Variants in NKAIN2 observed in about 807,000 individuals in gnomAD.
NKAIN2 encodes the protein sodium/potassium transporting ATPase interacting 2, also known as sodium/potassium-transporting ATPase subunit beta-1-interacting protein 2.
Under a neutral mutation model 32.6 loss-of-function variants are expected in NKAIN2, and 14 were observed. The observed-to-expected ratio is 0.43, with a 90% CI of 0.28 to 0.67. NKAIN2 has a LOEUF of 0.67. Among genes scored for constraint, NKAIN2 ranks in the 30% least tolerant of loss-of-function variants. NKAIN2 has a pLI of 0.17. For missense variants in NKAIN2, 198 were observed against 258.3 expected, an observed-to-expected ratio of 0.77 and a Z score of 1.60; for synonymous variants, 80 against 87.2, an observed-to-expected ratio of 0.92 and a Z score of 0.46.
At chr6:124,726,409 T>A (rs371684327) in intron 4 of NKAIN2, among the ~76,000 whole-genome samples, 1 of 151,788 alleles carries the variant, frequency 6.6e-6, no homozygotes, top group African/African-American at 2.4e-5. Context: ...CCATGACCCC[T>A]GAGCAGCCTA....
chr6:124,349,054 C>T (rs368713592), intron 2 of NKAIN2, among the ~76,000 whole-genome samples: 11 of 152,156 alleles, frequency 7.2e-5, no homozygotes, highest in South Asian at 2.1e-4. Context: ...GTGATTCTAA[C>T]GTAGTTTATT....
At chr6:124,670,643 TTCTGTGTGTGTGTG>T in intron 4 of NKAIN2, among the ~76,000 whole-genome samples, 1 of 102,268 alleles carries the variant, frequency 9.8e-6, no homozygotes, top group East Asian at 2.5e-4. Context: ...AATCTTTGCT[TTCTGTGTGTGTGTG>T]TGTGTGTGTG....
chr6:124,811,679 A>C (rs1780909861), intron 5 of NKAIN2, among the ~76,000 whole-genome samples: 1 of 152,170 alleles, frequency 6.6e-6, no homozygotes, highest in Non-Finnish European at 1.5e-5. Context: ...CACTGCAGAT[A>C]AGAAAATGAA....
chr6:123,889,424 G>A (rs948116792), intron 1 of NKAIN2, among the ~76,000 whole-genome samples: 35 of 152,154 alleles, frequency 2.3e-4, no homozygotes, highest in African/African-American at 7.5e-4. Flanking sequence ...TGCTCTGCCC[G>A]AACTTAGGTT....
intron 1 of NKAIN2, among the ~76,000 whole-genome samples, chr6:124,280,013 A>G (rs1024182430): frequency 1.3e-5 from 2 of 152,192 alleles, no homozygotes; most frequent in Non-Finnish European, 2.9e-5. Context: ...GCCAAACACA[A>G]GGAACCAAAA....
intron 3 of NKAIN2, among the ~76,000 whole-genome samples, chr6:124,644,772 T>C (rs1372033941): frequency 1.3e-5 from 2 of 152,210 alleles, no homozygotes; most frequent in African/African-American, 4.8e-5. Flanking sequence ...GTCATAATTT[T>C]GAGCTGAAAA....
chr6:124,463,247 G>T (rs1188700308), intron 3 of NKAIN2, among the ~76,000 whole-genome samples: 1 of 151,956 alleles, frequency 6.6e-6, no homozygotes, highest in Admixed American at 6.6e-5. Flanking sequence ...ATAGCCCAAT[G>T]AAATATAATA....
intron 3 of NKAIN2, among the ~76,000 whole-genome samples, chr6:124,654,943 CT>C (rs1784488170): frequency 6.6e-6 from 1 of 152,038 alleles, no homozygotes; most frequent in Admixed American, 6.6e-5. Context: ...TTAAGCCACC[CT>C]ATTTGTGGTA....
At chr6:124,378,569 CA>C in intron 3 of NKAIN2, among the ~76,000 whole-genome samples, 1 of 152,236 alleles carries the variant, frequency 6.6e-6, no homozygotes, top group South Asian at 2.1e-4. Context: ...TTAAGAATTA[CA>C]AGTGAGAAAG....
intron 1 of NKAIN2, among the ~76,000 whole-genome samples, chr6:123,842,716 T>C (rs1450403656): frequency 6.6e-6 from 1 of 152,072 alleles, no homozygotes; most frequent in Non-Finnish European, 1.5e-5. Context: ...GAGGATTAGC[T>C]CTGCCCAATG....
intron 3 of NKAIN2, among the ~76,000 whole-genome samples, chr6:124,449,519 C>G (rs1776017948): frequency 2.0e-5 from 3 of 152,062 alleles, no homozygotes; most frequent in Non-Finnish European, 4.4e-5. Context: ...AACAGGCTAT[C>G]TTTTAGGTCA....
At chr6:124,254,111 C>A (rs780199103) in intron 1 of NKAIN2, among the ~76,000 whole-genome samples, 23 of 151,926 alleles carry the variant, frequency 1.5e-4, no homozygotes, top group Admixed American at 7.9e-4. Context: ...AGCCACCGCT[C>A]CCGGCTAATT....
intron 1 of NKAIN2, among the ~76,000 whole-genome samples, chr6:124,175,691 C>G (rs1369862927): frequency 6.6e-6 from 1 of 152,052 alleles, no homozygotes; most frequent in Non-Finnish European, 1.5e-5. Flanking sequence ...TTACTCTTCC[C>G]CTTCTGTTTA....
At chr6:124,503,016 T>C (rs568147316) in intron 3 of NKAIN2, among the ~76,000 whole-genome samples, 4 of 152,290 alleles carry the variant, frequency 2.6e-5, no homozygotes, top group Admixed American at 2.6e-4. Flanking sequence ...TTAAATGGCA[T>C]TGCATTTACT....
chr6:124,543,649 C>CA (rs1299549105), intron 3 of NKAIN2, among the ~76,000 whole-genome samples: 1 of 151,812 alleles, frequency 6.6e-6, no homozygotes, highest in South Asian at 2.1e-4. Flanking sequence ...TACACACACA[C>CA]AAAAAAAGCA....
At chr6:124,282,454 G>A (rs561001962) in intron 1 of NKAIN2, among the ~76,000 whole-genome samples, 13 of 145,026 alleles carry the variant, frequency 9.0e-5, no homozygotes, top group Admixed American at 5.5e-4. Context: ...TTTCACAGAC[G>A]AGGGCCAGCA....
chr6:124,431,454 G>T (rs1374022453), intron 3 of NKAIN2, among the ~76,000 whole-genome samples: 3 of 152,150 alleles, frequency 2.0e-5, no homozygotes, highest in African/African-American at 4.8e-5. Context: ...CATTACAAAT[G>T]TCTGATGCCA....
intron 1 of NKAIN2, among the ~76,000 whole-genome samples, chr6:124,098,584 G>A (rs1244692808): frequency 6.6e-6 from 1 of 152,050 alleles, no homozygotes; most frequent in Admixed American, 6.6e-5. Flanking sequence ...ATAGAAAAAT[G>A]AGTGGGCCGG....
intron 3 of NKAIN2, among the ~76,000 whole-genome samples, chr6:124,370,146 G>A (rs1799691623): frequency 6.6e-6 from 1 of 150,562 alleles, no homozygotes; most frequent in Non-Finnish European, 1.5e-5. Context: ...AGTTCAGTAC[G>A]CTACAGGTAA....
Sources: allele counts gnomAD v4.1 joint callset (sites outside exome capture counted in the v4.1 genomes callset), GRCh38; gene constraint gnomAD v4.1.1; transcripts MANE v1.5; gene names NCBI Gene and HGNC (gene_info 2026-07-23, HGNC 2026-07-21).